The following MTUS2 variants were observed in gnomAD, a reference collection of about 807,000 sequenced individuals.
MTUS2 encodes microtubule-associated tumor suppressor candidate 2.
A neutral mutation model predicts 114.1 loss-of-function variants in MTUS2; 40 were observed. That is an observed-to-expected ratio of 0.35 (90% CI 0.27 to 0.46). The LOEUF is 0.46. MTUS2 is among the 20% of genes least tolerant of loss of function. MTUS2 has a pLI of 1.00. For missense variants in MTUS2, 1,679 were observed against 1,705.4 expected, an observed-to-expected ratio of 0.98 and a Z score of 0.27; for synonymous variants, 688 against 672.0, an observed-to-expected ratio of 1.02 and a Z score of -0.37.
intron 6 of MTUS2, among the ~76,000 whole-genome samples, chr13:29,323,230 G>A (rs1228326321): frequency 6.6e-6 from 1 of 151,312 alleles, no homozygotes. Context: ...ATTACAGTAT[G>A]TCTTTGTCCA....
chr13:29,047,886 C>G (rs1208375292), intron 4 of MTUS2, among the ~76,000 whole-genome samples: 1 of 152,174 alleles, frequency 6.6e-6, no homozygotes, highest in African/African-American at 2.4e-5. Flanking sequence ...TGGACTTAAA[C>G]TCTGGAAGTT....
chr13:29,420,974 G>A (rs1156642365), intron 8 of MTUS2, among the ~76,000 whole-genome samples: 1 of 152,180 alleles, frequency 6.6e-6, no homozygotes, highest in Non-Finnish European at 1.5e-5. Context: ...GTATTACAGA[G>A]AAGTGAAATT....
In MTUS2 at chr13:28,826,600, TTGA is replaced by T. The variant is rs796144752; in HGVS notation, c.-316+5995_-316+5997del. Reference sequence around the variant, plus strand: ...GTGTGTGATTAGGGCCAAACCAGTATTGATGATGGCCTGATACTGACTTTAGAA... The same window carrying T: ...GTGTGTGATTAGGGCCAAACCAGTATTGATGGCCTGATACTGACTTTAGAA... On this transcript the variant is annotated intron_variant, in intron 1 of 15. Transcript: ENST00000612955. Among the ~76,000 whole-genome samples, 152 of 152,308 alleles carry T rather than the reference TTGA, an allele frequency of 1.0e-3. 1 individual carries two copies. The highest frequency in any genetic ancestry group is 3.5e-3 in the African/African-American group (147 of 41,586).
intron 2 of MTUS2, among the ~76,000 whole-genome samples, chr13:29,006,379 T>C (rs1885601026): frequency 1.3e-5 from 2 of 152,258 alleles, no homozygotes; most frequent in South Asian, 4.1e-4. Context: ...AGTTTTTTAA[T>C]GCAGTGACAT....
intron 5 of MTUS2, among the ~76,000 whole-genome samples, chr13:29,200,689 T>A (rs1379319035): frequency 6.6e-6 from 1 of 151,872 alleles, no homozygotes; most frequent in Non-Finnish European, 1.5e-5. Flanking sequence ...CCCAGTTAAT[T>A]TTGTATTTTT....
At chr13:28,994,122 A>G (rs915103366) in intron 2 of MTUS2, among the ~76,000 whole-genome samples, 25 of 152,054 alleles carry the variant, frequency 1.6e-4, no homozygotes, top group Non-Finnish European at 2.8e-4. Context: ...TCATTGTTCA[A>G]TTACCACCTA....
intron 5 of MTUS2, among the ~76,000 whole-genome samples, chr13:29,130,185 A>C (rs939435025): frequency 4.6e-5 from 7 of 152,080 alleles, no homozygotes; most frequent in African/African-American, 1.7e-4. Context: ...GTATGTCATT[A>C]ATTAACACGT....
chr13:29,387,437 T>C (rs1403280333), intron 8 of MTUS2, among the ~76,000 whole-genome samples: 1 of 151,810 alleles, frequency 6.6e-6, no homozygotes. Flanking sequence ...GCATAACAGG[T>C]GGGCAGGTGA....
intron 11 of MTUS2, among the ~76,000 whole-genome samples, chr13:29,491,592 CA>C (rs1213177702): frequency 7.6e-6 from 1 of 132,220 alleles, no homozygotes; most frequent in African/African-American, 2.9e-5. Context: ...GTGTGTGTGA[CA>C]GGTGTGTGTG....
Position 29,163,044 on chromosome 13 carries a change from C to T in MTUS2, c.2644+62074C>T, listed in dbSNP as rs376081022. On this transcript the variant is annotated intron_variant, in intron 5 of 15. Transcript: ENST00000612955. ...CATATATGTATGTGTGTGATGTGTG[C>T]GCATGTATGTGTGTGCTGTAAGGAG... Among the ~76,000 whole-genome samples, 33 of 152,076 alleles carry T rather than the reference C, an allele frequency of 2.2e-4. 1 individual carries two copies. Among genetic ancestry groups the T allele is most frequent in the East Asian group, 1.4e-3 (7 of 5,178 alleles).
chr13:29,201,320 T>C (rs558232177), intron 5 of MTUS2, among the ~76,000 whole-genome samples: 86 of 151,506 alleles, frequency 5.7e-4, no homozygotes, highest in African/African-American at 2.0e-3. Flanking sequence ...TGTCATAGGC[T>C]AGGAATGCAA....
chr13:29,332,040 A>C (rs556094572), intron 7 of MTUS2, among the ~76,000 whole-genome samples: 5 of 152,142 alleles, frequency 3.3e-5, no homozygotes, highest in African/African-American at 7.2e-5. Flanking sequence ...TGTGTCTCTG[A>C]CAGGTTTTGA....
chr13:29,495,197 A>AC (rs111322078), intron 12 of MTUS2, among the ~76,000 whole-genome samples: 14 of 148,546 alleles, frequency 9.4e-5, no homozygotes, highest in African/African-American at 3.0e-4. Flanking sequence ...AAAAAAAAAA[A>AC]AAAAAAAAAC....
At chr13:28,969,746 A>G (rs540982035) in intron 2 of MTUS2, among the ~76,000 whole-genome samples, 54 of 150,934 alleles carry the variant, frequency 3.6e-4, no homozygotes, top group African/African-American at 1.1e-3. Context: ...CTCATGACCT[A>G]CCCACCTCGG....
chr13:28,904,307 T>C (rs990483590), intron 2 of MTUS2, among the ~76,000 whole-genome samples: 12 of 152,214 alleles, frequency 7.9e-5, no homozygotes, highest in Non-Finnish European at 1.5e-4. Context: ...CTTTTGGTGT[T>C]TTAGACATGA....
At position 29,378,494 on chromosome 13, in the gene MTUS2, G is replaced by A. The variant is rs926887686; in HGVS notation, c.3117+19021G>A. 7.9e-5 allele frequency among the ~76,000 whole-genome samples: 12 copies of A among 152,126 alleles called. No homozygotes were observed. In the Middle Eastern group the frequency reaches 0.014, roughly 172 times the overall value. On this transcript the variant is annotated intron_variant, in intron 8 of 15. Transcript: ENST00000612955. ...AATAACTTTCAGAGCACTCCCTGCC[G>A]TGCTCGTGCCCCCTCTGACTTGGCC...
chr13:28,952,963 T>C (rs929115136), intron 2 of MTUS2, among the ~76,000 whole-genome samples: 2 of 152,234 alleles, frequency 1.3e-5, no homozygotes, highest in African/African-American at 4.8e-5. Context: ...AATGTACCTT[T>C]AGCAATAGCT....
At chr13:28,894,283 G>GGT (rs1879103349) in intron 2 of MTUS2, among the ~76,000 whole-genome samples, 3 of 38,290 alleles carry the variant, frequency 7.8e-5, no homozygotes, top group African/African-American at 6.3e-4. Context: ...AGTTGGTGGG[G>GGT]GGGGGGGAGA....
At chr13:28,949,935 C>T (rs1000405925) in intron 2 of MTUS2, among the ~76,000 whole-genome samples, 16 of 152,310 alleles carry the variant, frequency 1.1e-4, no homozygotes, top group African/African-American at 3.6e-4. Flanking sequence ...TTCTTTAGGA[C>T]TTTGCTTTCA....
Sources: allele counts gnomAD v4.1 joint callset (sites outside exome capture counted in the v4.1 genomes callset), GRCh38; gene constraint gnomAD v4.1.1; transcripts MANE v1.5; gene names NCBI Gene and HGNC (gene_info 2026-07-23, HGNC 2026-07-21).